CLVS2: variants seen among roughly 807,000 people sequenced by gnomAD.
CLVS2 encodes clavesin-2.
Under a neutral mutation model 29.0 loss-of-function variants are expected in CLVS2, and 19 were observed. The ratio of observed to expected loss-of-function variants is 0.66; its 90% CI spans 0.46 to 0.96. CLVS2 has a LOEUF of 0.96. CLVS2 is among the 40% of genes least tolerant of loss of function. CLVS2 has a pLI of 0.00. For synonymous variants in CLVS2, 161 were observed against 151.3 expected, an observed-to-expected ratio of 1.06 and a Z score of -0.47; for missense variants, 294 against 404.1, an observed-to-expected ratio of 0.73 and a Z score of 2.34.
At chr6:123,038,438 C>A (rs1393115591) in intron 3 of CLVS2, among the ~76,000 whole-genome samples, 1 of 151,950 alleles carries the variant, frequency 6.6e-6, no homozygotes, top group East Asian at 1.9e-4. Context: ...TATAATTTGT[C>A]TTTGTGCCAA....
At chr6:123,028,668 T>G (rs1006627122) in intron 3 of CLVS2, among the ~76,000 whole-genome samples, 4 of 152,194 alleles carry the variant, frequency 2.6e-5, no homozygotes, top group African/African-American at 9.6e-5. Flanking sequence ...CTCTACTAAA[T>G]GCAGTGTCTT....
At chr6:123,023,114 A>T (rs1333176922) in intron 3 of CLVS2, among the ~76,000 whole-genome samples, 1 of 152,104 alleles carries the variant, frequency 6.6e-6, no homozygotes, top group African/African-American at 2.4e-5. Flanking sequence ...AGTAAAAGTA[A>T]CTTAAACATC....
chr6:123,006,448 G>A (rs1468589994), intron 2 of CLVS2, among the ~76,000 whole-genome samples: 3 of 152,138 alleles, frequency 2.0e-5, no homozygotes, highest in Non-Finnish European at 4.4e-5. Context: ...GGGTAGGCAA[G>A]ATTTCTGGAA....
intron 3 of CLVS2, among the ~76,000 whole-genome samples, chr6:123,045,644 C>T (rs1582660467): frequency 6.6e-6 from 1 of 152,232 alleles, no homozygotes; most frequent in East Asian, 1.9e-4. Context: ...TCCATTTCCA[C>T]CTTATAGGGT....
intron 3 of CLVS2, among the ~76,000 whole-genome samples, chr6:123,043,914 G>A (rs1775270543): frequency 1.3e-5 from 2 of 152,056 alleles, no homozygotes; most frequent in African/African-American, 4.8e-5. Flanking sequence ...GATATGTGAG[G>A]CAAACATGTT....
chr6:123,056,065 G>A (rs1408522433), intron 5 of CLVS2, 39 bp downstream of exon 5: 1 of 1,355,970 alleles, frequency 7.4e-7, no homozygotes, highest in African/African-American at 1.4e-5. Context: ...CTGGGCCAGG[G>A]CAGGGAGAGG....
At position 123,017,945 on chromosome 6, in the gene CLVS2, T is replaced by A. The variant is rs140192667; in HGVS notation, c.564+6786T>A. ...TGCTCTAGGGTTATTTAACATTTAC[T>A]GAATTAAAGAGAATTACTAATTATT... On this transcript the variant is annotated intron_variant, in intron 3 of 5. Transcript: ENST00000275162. Among the ~76,000 whole-genome samples, 389 of 152,218 alleles carry A rather than the reference T, an allele frequency of 2.6e-3. 2 individuals are homozygous for A. Among genetic ancestry groups the A allele is most frequent in the African/African-American group, 9.1e-3 (378 of 41,554 alleles).
chr6:123,045,253 G>C (rs1697623935), intron 3 of CLVS2, among the ~76,000 whole-genome samples: 1 of 151,892 alleles, frequency 6.6e-6, no homozygotes, highest in Non-Finnish European at 1.5e-5. Context: ...AAATCTCTTT[G>C]GATAGTTCAA....
At chr6:123,027,472 T>A (rs1775021342) in intron 3 of CLVS2, among the ~76,000 whole-genome samples, 1 of 152,154 alleles carries the variant, frequency 6.6e-6, no homozygotes, top group African/African-American at 2.4e-5. Context: ...CATTCACATT[T>A]TTCTTCCATC....
At chr6:123,056,321 C>T (rs1192791569) in intron 5 of CLVS2, among the ~76,000 whole-genome samples, 1 of 152,020 alleles carries the variant, frequency 6.6e-6, no homozygotes, top group Non-Finnish European at 1.5e-5. Flanking sequence ...CTTATTCTTC[C>T]TGTCTAATTG....
chr6:123,028,415 T>C (rs1775033492), intron 3 of CLVS2, among the ~76,000 whole-genome samples: 1 of 152,090 alleles, frequency 6.6e-6, no homozygotes. Flanking sequence ...ATCCCAGCAG[T>C]TTGGGAGGCC....
At chr6:123,009,517 TA>T (rs1013716122) in intron 2 of CLVS2, among the ~76,000 whole-genome samples, 1 of 152,024 alleles carries the variant, frequency 6.6e-6, no homozygotes, top group African/African-American at 2.4e-5. Flanking sequence ...TTTTTAGAAG[TA>T]AAAATAGACC....
rs770813362 is a variant in CLVS2 at position 123,026,338 on chromosome 6, C to T, written c.564+15179C>T. 1.5e-4 allele frequency among the ~76,000 whole-genome samples: 23 copies of T among 152,132 alleles called. No homozygotes were observed. In the Middle Eastern group the frequency reaches 0.01, roughly 68 times the overall value. On this transcript the variant is annotated intron_variant, in intron 3 of 5. Transcript: ENST00000275162. ...TGCTATTTGGAACATAATATTTTCA[C>T]TCTAAAATCTTTATTTCAAAGAGAC... is the stretch of plus-strand genomic sequence containing the variant.
At chr6:123,001,238 TA>T (rs1774585253) in intron 2 of CLVS2, among the ~76,000 whole-genome samples, 1 of 152,232 alleles carries the variant, frequency 6.6e-6, no homozygotes, top group Non-Finnish European at 1.5e-5. Context: ...ACAGTGACTA[TA>T]AATAAAATAG....
chr6:123,043,961 TAC>T (rs974220964), intron 3 of CLVS2, among the ~76,000 whole-genome samples: 3 of 152,240 alleles, frequency 2.0e-5, no homozygotes, highest in African/African-American at 4.8e-5. Flanking sequence ...CTGATACACA[TAC>T]ACACACACAT....
intron 4 of CLVS2, among the ~76,000 whole-genome samples, chr6:123,048,988 C>T (rs970494533): frequency 6.6e-6 from 1 of 152,026 alleles, no homozygotes; most frequent in Non-Finnish European, 1.5e-5. Context: ...GTTAAAGACT[C>T]AATTTAAAGG....
intron 4 of CLVS2, among the ~76,000 whole-genome samples, chr6:123,055,021 C>T (rs1029876694): frequency 6.6e-6 from 1 of 152,012 alleles, no homozygotes; most frequent in Non-Finnish European, 1.5e-5. Flanking sequence ...TGGTAAGAGA[C>T]AAAGCCAGAC....
intron 5 of CLVS2, among the ~76,000 whole-genome samples, chr6:123,057,634 C>T (rs528206990): frequency 2.9e-4 from 44 of 152,032 alleles, no homozygotes; most frequent in Admixed American, 2.8e-3. Flanking sequence ...TGAGCCATTG[C>T]GCCTGGCCAG....
chr6:123,030,818 A>AAT (rs34549391), intron 3 of CLVS2, among the ~76,000 whole-genome samples: 4,324 of 137,578 alleles, frequency 0.031, 73 homozygotes, highest in African/African-American at 0.051. Context: ...TAGTAAGGAG[A>AAT]ATATATATAT....
Sources: gnomAD v4.1 joint callset for allele counts (sites outside exome capture counted in the v4.1 genomes callset) on GRCh38, gnomAD v4.1.1 for gene constraint, MANE v1.5 for transcripts, NCBI Gene and HGNC (gene_info 2026-07-23, HGNC 2026-07-21) for gene names.